Variants in CABLES1 observed in about 807,000 individuals in gnomAD.
CABLES1 encodes Cdk5 and Abl enzyme substrate 1, also known as CDK5 and ABL1 enzyme substrate 1.
Under a neutral mutation model 57.8 loss-of-function variants are expected in CABLES1, and 36 were observed. The observed-to-expected ratio is 0.62, with a 90% CI of 0.48 to 0.82. The LOEUF (loss-of-function observed/expected upper bound fraction) is 0.82, where lower values mean the gene tolerates loss of function less well. CABLES1 is among the 40% of genes least tolerant of loss of function. The pLI, the probability that CABLES1 is intolerant of heterozygous loss-of-function variation, is 0.00. For synonymous variants in CABLES1, 374 were observed against 363.0 expected, an observed-to-expected ratio of 1.03 and a Z score of -0.35; for missense variants, 767 against 836.6, an observed-to-expected ratio of 0.92 and a Z score of 1.03.
intron 1 of CABLES1, among the ~76,000 whole-genome samples, chr18:23,172,171 C>A (rs2047087295): frequency 6.6e-6 from 1 of 152,140 alleles, no homozygotes. Context: ...GTATCTGTGA[C>A]ACCTAGGACT....
At chr18:23,179,917 A>G (rs1484453751) in intron 1 of CABLES1, among the ~76,000 whole-genome samples, 3 of 151,358 alleles carry the variant, frequency 2.0e-5, no homozygotes, top group South Asian at 2.1e-4. Flanking sequence ...TTTTGTTTTT[A>G]TTTTTGTTTT....
chr18:23,144,116 A>G (rs370065044), intron 1 of CABLES1, among the ~76,000 whole-genome samples: 348 of 152,322 alleles, frequency 2.3e-3, no homozygotes, highest in African/African-American at 8.1e-3. Context: ...CCACAGAGCC[A>G]GCCGCTGCTC....
At chr18:23,236,740 G>C (rs1308520960) in intron 6 of CABLES1, among the ~76,000 whole-genome samples, 2 of 152,142 alleles carry the variant, frequency 1.3e-5, no homozygotes, top group Non-Finnish European at 2.9e-5. Flanking sequence ...AGCATGCCTG[G>C]AAGTATTCGC....
At chr18:23,173,551 C>T (rs2047098690) in intron 1 of CABLES1, among the ~76,000 whole-genome samples, 2 of 152,188 alleles carry the variant, frequency 1.3e-5, no homozygotes, top group South Asian at 4.1e-4. Flanking sequence ...GGATTTGGTG[C>T]TTCATTATTA....
chr18:23,178,212 G>A (rs1448278585), intron 1 of CABLES1, among the ~76,000 whole-genome samples: 1 of 151,454 alleles, frequency 6.6e-6, no homozygotes, highest in Non-Finnish European at 1.5e-5. Flanking sequence ...TTCGGATCCT[G>A]ATTTTTTTTT....
intron 1 of CABLES1, among the ~76,000 whole-genome samples, chr18:23,138,257 A>G (rs531101807): frequency 1.5e-4 from 23 of 152,174 alleles, no homozygotes; most frequent in Non-Finnish European, 2.5e-4. Flanking sequence ...GGGGATATGG[A>G]AGATCTTGTG....
Position 23,253,020 on chromosome 18 carries a change from A to G in CABLES1, c.1507A>G (p.Lys503Glu). The change falls in exon 8 of 10, where the codon AAG becomes GAG. Residue 503 changes from lysine to glutamate, a missense_variant. By Grantham distance (56) the Lys-to-Glu change is moderately conservative. Transcript: ENST00000256925. The part of the protein sequence containing the change: ...DLKKDMNETF[K>E]EKFPHIKLTL... ...CAAGAAGGACATGAACGAGACCTTC[A>G]AGGAGAAGTTTCCTCACATTAAGCT... 6.2e-7 allele frequency: 1 copy of G among 1,613,886 alleles called. No individual in the cohort carries two copies. Among genetic ancestry groups the G allele is most frequent in the South Asian group, 1.1e-5 (1 of 91,086 alleles).
chr18:23,143,698 T>C (rs2046872538), intron 1 of CABLES1, among the ~76,000 whole-genome samples: 1 of 152,150 alleles, frequency 6.6e-6, no homozygotes, highest in African/African-American at 2.4e-5. Context: ...CCCAGTGCTC[T>C]GTGCCCAGGA....
At chr18:23,141,900 C>T (rs1424651324) in intron 1 of CABLES1, among the ~76,000 whole-genome samples, 2 of 152,106 alleles carry the variant, frequency 1.3e-5, no homozygotes, top group African/African-American at 2.4e-5. Flanking sequence ...TGGCAGAGAG[C>T]CAAGGGCAGG....
intron 4 of CABLES1, among the ~76,000 whole-genome samples, chr18:23,223,731 C>T (rs749432323): frequency 1.5e-4 from 23 of 152,064 alleles, no homozygotes; most frequent in Admixed American, 1.3e-4. Context: ...ACCACCCACC[C>T]GCACTCATCC....
chr18:23,253,660 G>A, intron 8 of CABLES1, 69 bp from the exon 9 acceptor site: 3 of 1,274,398 alleles, frequency 2.4e-6, no homozygotes, highest in Non-Finnish European at 3.4e-6. Flanking sequence ...TTCAAGATGG[G>A]GGAGTTTTTC....
chr18:23,248,512 C>CTTT (rs59555750), intron 7 of CABLES1, among the ~76,000 whole-genome samples: 1,218 of 90,704 alleles, frequency 0.013, 50 homozygotes, highest in African/African-American at 0.049. Context: ...GACCCTATGT[C>CTTT]TTTTTTTTTT....
chr18:23,253,582 G>A (rs926351459), intron 8 of CABLES1, 147 bp from the exon 9 acceptor site: 13 of 665,832 alleles, frequency 2.0e-5, no homozygotes, highest in Non-Finnish European at 3.1e-5. Context: ...GCATAACGCA[G>A]CCTTCACACT....
In CABLES1 at chr18:23,188,543, T is replaced by TTGTGTGTGTGTGTGTGTGTGTGTG. The variant is rs55888102; in HGVS notation, c.846-272_846-271insGTGTGTGTGTGTGTGTGTGTGTGT. Among the ~76,000 whole-genome samples, 237 of 149,056 alleles carry TTGTGTGTGTGTGTGTGTGTGTGTG rather than the reference T, an allele frequency of 1.6e-3. 2 individuals are homozygous for TTGTGTGTGTGTGTGTGTGTGTGTG. Among genetic ancestry groups the TTGTGTGTGTGTGTGTGTGTGTGTG allele is most frequent in the African/African-American group, 4.4e-3 (179 of 40,704 alleles). ...GTATATTACAAGAGGCACCTTGTCT[T>TTGTGTGTGTGTGTGTGTGTGTGTG]TGTGTGTGTGTGTGTGTGTGTGTCC... On this transcript the variant is annotated intron_variant, in intron 1 of 9. Coordinates refer to ENST00000256925, the MANE Select transcript of CABLES1 (RefSeq NM_001100619.3).
chr18:23,173,233 T>TGGGA (rs1323183573), intron 1 of CABLES1, among the ~76,000 whole-genome samples: 1 of 152,234 alleles, frequency 6.6e-6, no homozygotes, highest in Admixed American at 6.5e-5. Flanking sequence ...GGCCCTGCTC[T>TGGGA]GGGAGGGTTT....
chr18:23,232,234 G>T (rs1294636901), intron 4 of CABLES1, among the ~76,000 whole-genome samples: 2 of 152,140 alleles, frequency 1.3e-5, no homozygotes, highest in Non-Finnish European at 2.9e-5. Context: ...CTTAATTTCA[G>T]CCCTAAGTAA....
At chr18:23,199,800 C>T (rs1047668899) in intron 3 of CABLES1, among the ~76,000 whole-genome samples, 3 of 152,148 alleles carry the variant, frequency 2.0e-5, no homozygotes, top group Admixed American at 6.5e-5. Flanking sequence ...CTTAATGACA[C>T]TGAATAGCAC....
intron 4 of CABLES1, among the ~76,000 whole-genome samples, chr18:23,220,350 C>T (rs569275989): frequency 1.3e-5 from 2 of 152,266 alleles, no homozygotes; most frequent in South Asian, 4.1e-4. Flanking sequence ...TGCGCTCACT[C>T]GTTTCATCTG....
chr18:23,220,578 C>T (rs1020106022), intron 4 of CABLES1, among the ~76,000 whole-genome samples: 1 of 152,098 alleles, frequency 6.6e-6, no homozygotes, highest in Admixed American at 6.5e-5. Context: ...CCTTCATGAT[C>T]GCGCCTTTGG....
Sources: gnomAD v4.1 joint callset for allele counts (sites outside exome capture counted in the v4.1 genomes callset) on GRCh38, gnomAD v4.1.1 for gene constraint, MANE v1.5 for transcripts, NCBI Gene and HGNC (gene_info 2026-07-23, HGNC 2026-07-21) for gene names.